FARP2: variants seen among roughly 807,000 people sequenced by gnomAD.
FARP2 encodes FERM, ARH/RhoGEF and pleckstrin domain protein 2, also known as FERM, ARHGEF and pleckstrin domain-containing protein 2.
A neutral mutation model predicts 130.5 loss-of-function variants in FARP2; 111 were observed. The ratio of observed to expected loss-of-function variants is 0.85; its 90% CI spans 0.73 to 1.00. The LOEUF is 1.00. FARP2 is among the 50% of genes least tolerant of loss of function. The pLI, the probability that FARP2 is intolerant of heterozygous loss-of-function variation, is 0.00. For missense variants in FARP2, 1,385 were observed against 1,346.3 expected (o/e 1.03, Z -0.45); for synonymous variants, 504 against 516.9 (o/e 0.98, Z 0.34).
At chr2:241,466,710 A>ACCCGTAC (rs2064183587) in intron 17 of FARP2, 1 of 456,200 alleles carries the variant, frequency 2.2e-6, no homozygotes, top group Non-Finnish European at 2.5e-6. Context: ...CACCACCACC[A>ACCCGTAC]CCCGTACCCT....
Position 241,494,090 on chromosome 2 carries a change from G to A in FARP2, c.3130G>A (p.Gly1044Arg). 6.8e-7 allele frequency: 1 copy of A among 1,467,698 alleles called. No homozygotes were observed. The highest frequency in any genetic ancestry group is 2.7e-5 in the East Asian group (1 of 36,792). 90.9% of individuals were successfully genotyped at this position (1,467,698 alleles called of 1,614,324 possible). A position where few individuals can be genotyped will look rare whatever the true frequency, so the allele number is the denominator to read the frequency against. The change falls in exon 27 of 27, where the codon GGG becomes AGG. Residue 1044 changes from glycine to arginine, a missense_variant. Physicochemically the swap from Gly to Arg is moderately radical, Grantham distance 125. Coordinates refer to ENST00000264042, the MANE Select transcript of FARP2 (RefSeq NM_014808.4). The surrounding 1 kb of genome is among the most constrained non-coding windows in gnomAD (Gnocchi z 4.9). ...GCAGGATGGCCCCCAACCCTCCTCA[G>A]GGCTGGAGGGGATGGTCAGGGGGAA... ...IVQDGPQPSSGLEGMVRGKEE is the reference protein window; with the variant it reads ...IVQDGPQPSSRLEGMVRGKEE
In FARP2 at chr2:241,490,058, A is replaced by T. The variant is rs1157990006; in HGVS notation, c.2504+14A>T. ...GGTGGCAGCCAGGTAAGGGTCTTCC[A>T]TGTCTCCATCCTGAGCAGCCCTGGA... is the stretch of plus-strand genomic sequence containing the variant. On this transcript the variant is annotated intron_variant, in intron 22 of 26. Coordinates refer to ENST00000264042, the MANE Select transcript of FARP2 (RefSeq NM_014808.4). The T allele has an allele frequency of 2.5e-6, 4 of 1,599,846 alleles. No individual in the cohort carries two copies. Among genetic ancestry groups the T allele is most frequent in the African/African-American group, 1.3e-5 (1 of 74,644 alleles).
intron 1 of FARP2, among the ~76,000 whole-genome samples, chr2:241,365,987 T>A (rs1399996393): frequency 3.4e-5 from 5 of 147,762 alleles, no homozygotes; most frequent in East Asian, 1.9e-4. Flanking sequence ...TTTTTTTTTT[T>A]AATATAAACA....
chr2:241,369,404 T>A, intron 1 of FARP2, among the ~76,000 whole-genome samples: 1 of 152,098 alleles, frequency 6.6e-6, no homozygotes, highest in Non-Finnish European at 1.5e-5. Context: ...ACTCCTTCTC[T>A]GTGTTCCATC....
chr2:241,485,403 C>A (rs1483018283), intron 21 of FARP2, among the ~76,000 whole-genome samples: 1 of 150,900 alleles, frequency 6.6e-6, no homozygotes, highest in African/African-American at 2.4e-5. Context: ...GTGGTCCTCC[C>A]TCCCTGGGAT....
At chr2:241,375,400 T>C (rs2061513593) in intron 2 of FARP2, among the ~76,000 whole-genome samples, 1 of 151,934 alleles carries the variant, frequency 6.6e-6, no homozygotes, top group Non-Finnish European at 1.5e-5. Flanking sequence ...GGTTTACTTT[T>C]AGAGTGTCTT....
intron 13 of FARP2, chr2:241,445,516 C>T (rs991807608): frequency 3.9e-5 from 6 of 152,358 alleles, no homozygotes; most frequent in African/African-American, 1.4e-4. Context: ...AATAGCAAAA[C>T]TCCAGGAGCA....
intron 17 of FARP2, among the ~76,000 whole-genome samples, chr2:241,467,642 A>C (rs958966243): frequency 1.4e-4 from 15 of 104,280 alleles, no homozygotes; most frequent in African/African-American, 5.2e-4. Flanking sequence ...ATCCAGTCTC[A>C]AAAAAAAAAA....
chr2:241,422,260 C>CAAAAAAAA (rs1198628886), intron 8 of FARP2, among the ~76,000 whole-genome samples: 37 of 91,972 alleles, frequency 4.0e-4, no homozygotes, highest in Admixed American at 6.0e-4. Flanking sequence ...ACTAAAAATA[C>CAAAAAAAA]AAAAAAAAAA....
chr2:241,466,674 A>G (rs1240352866), intron 17 of FARP2: 1 of 792,584 alleles, frequency 1.3e-6, no homozygotes, highest in African/African-American at 4.7e-5. Flanking sequence ...CCCCGCCTTC[A>G]CTCCCCTTCC....
At chr2:241,399,539 A>T (rs1284361628) in intron 2 of FARP2, among the ~76,000 whole-genome samples, 1 of 151,952 alleles carries the variant, frequency 6.6e-6, no homozygotes, top group Non-Finnish European at 1.5e-5. Flanking sequence ...CAAACTCCTG[A>T]CCTCACATGA....
At chr2:241,412,385 A>G (rs185896367) in intron 6 of FARP2, among the ~76,000 whole-genome samples, 3 of 152,284 alleles carry the variant, frequency 2.0e-5, no homozygotes, top group Admixed American at 6.5e-5. Flanking sequence ...AACCGTATCA[A>G]ATGTCATAGT....
chr2:241,391,336 A>G (rs74000647), intron 2 of FARP2, among the ~76,000 whole-genome samples: 3,279 of 152,274 alleles, frequency 0.022, 113 homozygotes, highest in African/African-American at 0.068. Flanking sequence ...CTGTCTGCAA[A>G]TGTGCTGGGA....
At position 241,494,179 on chromosome 2, in the gene FARP2, G is replaced by A; in HGVS notation, c.*54G>A. On this transcript the variant is annotated 3_prime_UTR_variant, in exon 27 of 27. Coordinates refer to ENST00000264042, the MANE Select transcript of FARP2 (RefSeq NM_014808.4). The surrounding 1 kb of genome is among the most constrained non-coding windows in gnomAD (Gnocchi z 4.9). ...CTACAAAGAACAGCAGGACACAGAG[G>A]TGACCTCTGTCCTGAGGCTTCTCAA... 2.6e-6 allele frequency: 3 copies of A among 1,154,318 alleles called. No homozygotes were observed. Among genetic ancestry groups the A allele is most frequent in the Admixed American group, 3.0e-5 (1 of 33,810 alleles). The allele number at this position is 1,154,318 out of a possible 1,614,324, so 71.5% of individuals were successfully genotyped here.
intron 17 of FARP2, chr2:241,465,457 C>A: frequency 6.5e-7 from 1 of 1,550,166 alleles, no homozygotes; most frequent in Non-Finnish European, 8.7e-7. Flanking sequence ...GTTTTTCTTT[C>A]AGGTGTTCCA....
chr2:241,400,626 T>C (rs1458097134), intron 2 of FARP2, among the ~76,000 whole-genome samples: 1 of 152,192 alleles, frequency 6.6e-6, no homozygotes. Flanking sequence ...AGAATTCTTC[T>C]CTAAGGGAAT....
intron 8 of FARP2, among the ~76,000 whole-genome samples, chr2:241,425,592 T>G (rs1296861946): frequency 8.5e-6 from 1 of 117,330 alleles, no homozygotes; most frequent in Non-Finnish European, 1.6e-5. Context: ...CTGAATAGAC[T>G]AGAAATGTGT....
At chr2:241,400,194 C>T (rs1345610937) in intron 2 of FARP2, among the ~76,000 whole-genome samples, 1 of 151,674 alleles carries the variant, frequency 6.6e-6, no homozygotes, top group Non-Finnish European at 1.5e-5. Context: ...CCCTGACCTC[C>T]CCATTGACTC....
Position 241,462,529 on chromosome 2 carries a change from C to G in FARP2, c.1594C>G (p.Pro532Ala), listed in dbSNP as rs1268729767. The change falls in exon 15 of 27, where the codon CCT (proline) becomes GCT (alanine). Residue 532 changes from proline to alanine, a missense_variant. Transcript: ENST00000264042. ...AGCTCTCTGCTTCTTTCAGCGCGTG[C>G]CTGCAGACGAGGCCTACTTCATAGT... Reference protein sequence around the residue: ...DCEEPRHKRVPADEAYFIVKE... With the variant: ...DCEEPRHKRVAADEAYFIVKE... 1.9e-6 allele frequency: 3 copies of G among 1,612,916 alleles called. No homozygotes were observed. Among genetic ancestry groups the G allele is most frequent in the Non-Finnish European group, 1.7e-6 (2 of 1,178,884 alleles).
Sources: gnomAD v4.1 joint callset for allele counts (sites outside exome capture counted in the v4.1 genomes callset) on GRCh38, gnomAD v4.1.1 for gene constraint, Gnocchi (gnomAD v3.1) non-coding constraint, MANE v1.5 for transcripts, NCBI Gene and HGNC (gene_info 2026-07-23, HGNC 2026-07-21) for gene names.